RIC1: variants seen among roughly 807,000 people sequenced by gnomAD.
The protein encoded by RIC1 is guanine nucleotide exchange factor subunit RIC1.
Under a neutral mutation model 169.0 loss-of-function variants are expected in RIC1, and 88 were observed. The ratio of observed to expected loss-of-function variants is 0.52; its 90% CI spans 0.44 to 0.62. The LOEUF is 0.62. Ranked by LOEUF, RIC1 falls within the 20% of genes least tolerant of loss-of-function variation. The probability of loss-of-function intolerance (pLI) is 0.00; values close to 1 mark genes in which losing one functional copy is unlikely to be tolerated. For synonymous variants in RIC1, 790 were observed against 601.5 expected (o/e 1.31, Z -4.59); for missense variants, 1,877 against 1,725.5 (o/e 1.09, Z -1.56).
chr9:5,697,813 T>A (rs1209986243), intron 3 of RIC1, among the ~76,000 whole-genome samples: 1 of 152,216 alleles, frequency 6.6e-6, no homozygotes, highest in Non-Finnish European at 1.5e-5. Context: ...CTGCTATCTG[T>A]AAAACACTTG....
intron 7 of RIC1, among the ~76,000 whole-genome samples, chr9:5,734,717 C>T (rs929125185): frequency 1.3e-5 from 2 of 151,606 alleles, no homozygotes; most frequent in Non-Finnish European, 3.0e-5. Flanking sequence ...AACTCTTATT[C>T]CCTCCTTGAC....
At chr9:5,738,793 C>T (rs116987540) in intron 8 of RIC1, among the ~76,000 whole-genome samples, 1 of 152,080 alleles carries the variant, frequency 6.6e-6, no homozygotes, top group East Asian at 1.9e-4. Flanking sequence ...ATGCAGTAGG[C>T]TTCCTATCAG....
At chr9:5,632,817 C>T (rs1022421208) in intron 1 of RIC1, among the ~76,000 whole-genome samples, 2 of 152,124 alleles carry the variant, frequency 1.3e-5, no homozygotes, top group East Asian at 1.9e-4. Context: ...CTTTAATATA[C>T]TAACTGTGAC....
chr9:5,651,213 T>C (rs1163654628), intron 1 of RIC1, among the ~76,000 whole-genome samples: 1 of 152,178 alleles, frequency 6.6e-6, no homozygotes, highest in Non-Finnish European at 1.5e-5. Context: ...GGAGATCTGC[T>C]CTGTGCTCCA....
intron 2 of RIC1, among the ~76,000 whole-genome samples, chr9:5,660,251 A>G (rs185958810): frequency 6.0e-4 from 91 of 152,228 alleles, no homozygotes; most frequent in South Asian, 1.0e-3. Flanking sequence ...TATTCAGTCT[A>G]TCATCGGGGG....
At chr9:5,644,739 A>G (rs1056798037) in intron 1 of RIC1, among the ~76,000 whole-genome samples, 8 of 152,200 alleles carry the variant, frequency 5.3e-5, no homozygotes, top group African/African-American at 1.9e-4. Context: ...ATTTGTATAC[A>G]TGTCTGTGTG....
chr9:5,777,646 T>A (rs546693580), downstream of RIC1, among the ~76,000 whole-genome samples: 1 of 152,282 alleles, frequency 6.6e-6, no homozygotes, highest in South Asian at 2.1e-4. Flanking sequence ...CATTTAGGTC[T>A]TTGATCCATT....
chr9:5,695,397 G>A (rs1225904696), intron 3 of RIC1, among the ~76,000 whole-genome samples: 2 of 151,904 alleles, frequency 1.3e-5, no homozygotes, highest in African/African-American at 4.8e-5. Context: ...CCAGTAAATG[G>A]CACCACCGTG....
intron 1 of RIC1, among the ~76,000 whole-genome samples, chr9:5,651,558 C>T (rs1165335947): frequency 9.3e-5 from 10 of 107,842 alleles, no homozygotes; most frequent in Non-Finnish European, 1.3e-4. Context: ...AGTCTTTAAT[C>T]TTTTTTTTTT....
At chr9:5,659,662 A>G (rs1057443683) in intron 2 of RIC1, among the ~76,000 whole-genome samples, 19 of 152,176 alleles carry the variant, frequency 1.2e-4, no homozygotes, top group African/African-American at 3.6e-4. Context: ...TGTCTTATCA[A>G]TTATTTAGAC....
chr9:5,757,830 A>G (rs1826095609), intron 17 of RIC1, among the ~76,000 whole-genome samples: 1 of 152,172 alleles, frequency 6.6e-6, no homozygotes, highest in Admixed American at 6.5e-5. Flanking sequence ...CAGTAGTGCA[A>G]AGGCCCATAG....
At chr9:5,724,897 G>T (rs958350643) in intron 6 of RIC1, among the ~76,000 whole-genome samples, 1 of 152,174 alleles carries the variant, frequency 6.6e-6, no homozygotes, top group African/African-American at 2.4e-5. Flanking sequence ...TTGCATCCCA[G>T]GGATGAAGCC....
intron 7 of RIC1, among the ~76,000 whole-genome samples, chr9:5,735,398 G>A (rs953500519): frequency 2.6e-5 from 4 of 152,330 alleles, no homozygotes; most frequent in South Asian, 2.1e-4. Context: ...CAGCACAAGG[G>A]TGGGTGTTAG....
intron 17 of RIC1, among the ~76,000 whole-genome samples, chr9:5,759,787 TAAGG>T (rs1826220050): frequency 6.6e-6 from 1 of 151,604 alleles, no homozygotes; most frequent in African/African-American, 2.4e-5. Context: ...GAAAAAAAAA[TAAGG>T]GATGGATGGA....
intron 12 of RIC1, among the ~76,000 whole-genome samples, chr9:5,752,283 A>C (rs140613652): frequency 6.6e-6 from 1 of 152,176 alleles, no homozygotes; most frequent in African/African-American, 2.4e-5. Flanking sequence ...AAGTAAGTCA[A>C]ATACCCCAAT....
intron 6 of RIC1, 81 bp downstream of exon 6, chr9:5,720,831 A>C (rs566032994): frequency 1.6e-6 from 2 of 1,226,930 alleles, no homozygotes; most frequent in South Asian, 1.6e-5. Context: ...CTCTATTTTC[A>C]TCATTCATGT....
Position 5,629,487 on chromosome 9 carries a change from C to T in RIC1, c.144+34C>T, listed in dbSNP as rs779212666. The T allele has an allele frequency of 5.6e-5, 84 of 1,504,590 alleles. No individual in the cohort carries two copies. The East Asian group carries it at 2.1e-3, about 38-fold the overall frequency. 93.2% of individuals were successfully genotyped at this position (1,504,590 alleles called of 1,614,324 possible). A position where few individuals can be genotyped will look rare whatever the true frequency, so the allele number is the denominator to read the frequency against. ...AGCCGCCCGCCGCCTTTCGCCGCTGCCTCCCCGGCCTCCCGGCGCCGTCCC... is the reference window on the plus strand; with the variant it reads ...AGCCGCCCGCCGCCTTTCGCCGCTGTCTCCCCGGCCTCCCGGCGCCGTCCC... On this transcript the variant is annotated intron_variant, in intron 1 of 25. Transcript: ENST00000414202.
intron 1 of RIC1, among the ~76,000 whole-genome samples, chr9:5,644,534 C>T (rs897527406): frequency 6.6e-6 from 1 of 152,136 alleles, no homozygotes; most frequent in Non-Finnish European, 1.5e-5. Flanking sequence ...CCTTTATCCC[C>T]TTCTCATCCT....
chr9:5,761,741 C>T (rs369478379), intron 17 of RIC1, among the ~76,000 whole-genome samples: 5 of 152,196 alleles, frequency 3.3e-5, no homozygotes, highest in East Asian at 3.9e-4. Flanking sequence ...ATAGAAATGA[C>T]TTGATATCTG....
Sources: allele counts gnomAD v4.1 joint callset (sites outside exome capture counted in the v4.1 genomes callset), GRCh38; gene constraint gnomAD v4.1.1; transcripts MANE v1.5; gene names NCBI Gene and HGNC (gene_info 2026-07-23, HGNC 2026-07-21).